CDC37L1: variants seen among roughly 807,000 people sequenced by gnomAD.
CDC37L1 encodes hsp90 co-chaperone Cdc37-like 1.
Under a neutral mutation model 45.9 loss-of-function variants are expected in CDC37L1, and 32 were observed. The ratio of observed to expected loss-of-function variants is 0.70; its 90% CI spans 0.53 to 0.94. The LOEUF (loss-of-function observed/expected upper bound fraction) is 0.94. Among genes scored for constraint, CDC37L1 ranks in the 40% least tolerant of loss-of-function variants. The pLI, the probability that CDC37L1 is intolerant of heterozygous loss-of-function variation, is 0.00. For missense variants in CDC37L1, 434 were observed against 405.7 expected (o/e 1.07, Z -0.60); for synonymous variants, 150 against 133.0 (o/e 1.13, Z -0.88).
chr9:4,702,611 G>A (rs1171081931), intron 6 of CDC37L1, among the ~76,000 whole-genome samples: 1 of 152,128 alleles, frequency 6.6e-6, no homozygotes, highest in Non-Finnish European at 1.5e-5. Flanking sequence ...GCTGGGCGCA[G>A]TGGCTCGCGC....
chr9:4,698,474 T>C (rs1045489035), intron 5 of CDC37L1, among the ~76,000 whole-genome samples: 1 of 149,632 alleles, frequency 6.7e-6, no homozygotes, highest in South Asian at 2.1e-4. Flanking sequence ...TGAAGAAAAA[T>C]AGATGTCTAG....
intron 6 of CDC37L1, 37 bp from the exon 7 acceptor site, chr9:4,705,970 GTTCT>G (rs758266375): frequency 5.2e-6 from 5 of 956,174 alleles, no homozygotes; most frequent in Non-Finnish European, 8.5e-6. Flanking sequence ...GTTATAATGC[GTTCT>G]TTTTCTCCCC....
chr9:4,691,159 G>GT (rs1429190421), intron 3 of CDC37L1, among the ~76,000 whole-genome samples: 4 of 152,072 alleles, frequency 2.6e-5, no homozygotes, highest in Non-Finnish European at 4.4e-5. Context: ...CCTTTATTTT[G>GT]TTTTTTTGTT....
intron 3 of CDC37L1, among the ~76,000 whole-genome samples, chr9:4,693,023 T>C (rs1041637668): frequency 3.3e-5 from 5 of 152,122 alleles, no homozygotes; most frequent in Non-Finnish European, 7.4e-5. Flanking sequence ...CGATTGGAAA[T>C]AGAGGAGATC....
At chr9:4,685,529 G>C in intron 2 of CDC37L1, 1 of 161,270 alleles carries the variant, frequency 6.2e-6, no homozygotes, top group Non-Finnish European at 1.4e-5. Context: ...CTACTTTAGA[G>C]TTCCTTTAAT....
At chr9:4,699,242 C>G (rs1001097696) in intron 5 of CDC37L1, among the ~76,000 whole-genome samples, 1 of 152,116 alleles carries the variant, frequency 6.6e-6, no homozygotes, top group African/African-American at 2.4e-5. Context: ...ATTCCTAATC[C>G]AAAATCCAAA....
At chr9:4,689,634 TC>T (rs1296135569) in intron 3 of CDC37L1, among the ~76,000 whole-genome samples, 1 of 152,206 alleles carries the variant, frequency 6.6e-6, no homozygotes, top group African/African-American at 2.4e-5. Flanking sequence ...ACAAAGTTTT[TC>T]TACATATAAT....
At chr9:4,700,803 A>C (rs1841389400) in intron 5 of CDC37L1, among the ~76,000 whole-genome samples, 1 of 152,212 alleles carries the variant, frequency 6.6e-6, no homozygotes, top group East Asian at 1.9e-4. Context: ...TGGCATAAAG[A>C]AATTAAGTAA....
At chr9:4,682,489 G>A (rs1377384517) in intron 1 of CDC37L1, among the ~76,000 whole-genome samples, 2 of 151,602 alleles carry the variant, frequency 1.3e-5, no homozygotes, top group Non-Finnish European at 2.9e-5. Context: ...CACCATGCCC[G>A]GCTAATTTTT....
At chr9:4,682,574 C>G (rs1440309282) in intron 1 of CDC37L1, among the ~76,000 whole-genome samples, 1 of 152,090 alleles carries the variant, frequency 6.6e-6, no homozygotes, top group East Asian at 1.9e-4. Context: ...ATCCGCCCGC[C>G]TCGGCCTCCT....
At chr9:4,692,104 A>G (rs1467756813) in intron 3 of CDC37L1, among the ~76,000 whole-genome samples, 3 of 152,162 alleles carry the variant, frequency 2.0e-5, no homozygotes, top group Admixed American at 2.0e-4. Flanking sequence ...CTCAAATACT[A>G]TGATAGAAGT....
chr9:4,690,706 A>G (rs1444619248), intron 3 of CDC37L1, among the ~76,000 whole-genome samples: 1 of 152,246 alleles, frequency 6.6e-6, no homozygotes, highest in African/African-American at 2.4e-5. Context: ...TGCTGTTTTC[A>G]CACCCAGCCA....
Position 4,706,695 on chromosome 9 carries a change from A to G in CDC37L1, c.*583A>G, listed in dbSNP as rs1004642883. On this transcript the variant is annotated 3_prime_UTR_variant, in exon 7 of 7. Coordinates refer to ENST00000381854, the MANE Select transcript of CDC37L1 (RefSeq NM_017913.4). Reference sequence around the variant, plus strand: ...GGCACCATCAGTTAAATCCTTGACTATAATACAAATTTGATATATACATTA... The same window carrying G: ...GGCACCATCAGTTAAATCCTTGACTGTAATACAAATTTGATATATACATTA... 2.0e-5 allele frequency: 3 copies of G among 152,592 alleles called. No homozygotes were observed. Among genetic ancestry groups the G allele is most frequent in the Non-Finnish European group, 4.4e-5 (3 of 68,044 alleles). 9.5% of individuals were successfully genotyped at this position (152,592 alleles called of 1,614,324 possible).
rs751039476 is a variant in CDC37L1 at position 4,707,025 on chromosome 9, TAA to T, written c.*918_*919del. ...TGGTTTATTTTTTGATGTAGCCTTT[TAA>T]AAAAGGAGTCTTAAAAATGATTTTT... On this transcript the variant is annotated 3_prime_UTR_variant, in exon 7 of 7. Coordinates refer to ENST00000381854, the MANE Select transcript of CDC37L1 (RefSeq NM_017913.4). 11 of 145,758 alleles carry T rather than the reference TAA, an allele frequency of 7.5e-5. No individual in the cohort carries two copies. The highest frequency in any genetic ancestry group is 1.5e-4 in the Non-Finnish European group (10 of 67,206). 9.0% of individuals were successfully genotyped at this position (145,758 alleles called of 1,614,324 possible). A position where few individuals can be genotyped will look rare whatever the true frequency, so the allele number is the denominator to read the frequency against.
chr9:4,707,068 GA>G lies in CDC37L1; in HGVS notation c.*959del, dbSNP rs761692465. On this transcript the variant is annotated 3_prime_UTR_variant, in exon 7 of 7. Transcript: ENST00000381854. ...AATGATTTTTTTTTTAAAGGCAAGA[GA>G]AATCTTGTAGTGCTAACTGCCTTGA... is the stretch of plus-strand genomic sequence containing the variant. 6.6e-6 allele frequency: 1 copy of G among 152,000 alleles called. No individual in the cohort carries two copies. The highest frequency in any genetic ancestry group is 1.5e-5 in the Non-Finnish European group (1 of 67,994). 9.4% of individuals were successfully genotyped at this position (152,000 alleles called of 1,614,324 possible).
At chr9:4,698,248 A>C (rs921055763) in intron 5 of CDC37L1, among the ~76,000 whole-genome samples, 2 of 146,096 alleles carry the variant, frequency 1.4e-5, no homozygotes, top group Non-Finnish European at 3.1e-5. Flanking sequence ...CATGTGTAGA[A>C]CTCAGCAGTT....
At chr9:4,685,861 A>C (rs1171579250) in intron 2 of CDC37L1, among the ~76,000 whole-genome samples, 1 of 152,210 alleles carries the variant, frequency 6.6e-6, no homozygotes, top group Non-Finnish European at 1.5e-5. Flanking sequence ...GTGGAATAAA[A>C]TGATATTTAT....
intron 6 of CDC37L1, among the ~76,000 whole-genome samples, chr9:4,702,664 G>A (rs1468399197): frequency 6.6e-6 from 1 of 151,730 alleles, no homozygotes; most frequent in Non-Finnish European, 1.5e-5. Flanking sequence ...GGCAGATCAC[G>A]AGGTCAGGAG....
intron 1 of CDC37L1, among the ~76,000 whole-genome samples, chr9:4,683,564 G>A (rs959449409): frequency 5.9e-5 from 9 of 152,088 alleles, no homozygotes; most frequent in Admixed American, 5.2e-4. Context: ...AATGGGAACT[G>A]AGTCTAAAGA....
Sources: gnomAD v4.1 joint callset for allele counts (sites outside exome capture counted in the v4.1 genomes callset) on GRCh38, gnomAD v4.1.1 for gene constraint, MANE v1.5 for transcripts, NCBI Gene and HGNC (gene_info 2026-07-23, HGNC 2026-07-21) for gene names.